Variants in RORA observed in about 807,000 individuals in gnomAD.
RORA encodes the protein RAR related orphan receptor A, also known as nuclear receptor ROR-alpha.
Under a neutral mutation model 69.5 loss-of-function variants are expected in RORA, and 7 were observed. The ratio of observed to expected loss-of-function variants is 0.10; its 90% CI spans 0.06 to 0.19. RORA has a LOEUF of 0.19. Among genes scored for constraint, RORA ranks in the 10% least tolerant of loss-of-function variants. RORA has a pLI of 1.00. For missense variants in RORA, 457 were observed against 663.0 expected, an observed-to-expected ratio of 0.69 and a Z score of 3.41; for synonymous variants, 261 against 240.8, an observed-to-expected ratio of 1.08 and a Z score of -0.78.
chr15:60,949,434 C>T (rs955621836), intron 1 of RORA, among the ~76,000 whole-genome samples: 6 of 152,184 alleles, frequency 3.9e-5, no homozygotes, highest in Admixed American at 3.9e-4. Flanking sequence ...GTTCCCTCCC[C>T]ACTCCATTCA....
chr15:60,801,414 T>C (rs1322491873), intron 1 of RORA, among the ~76,000 whole-genome samples: 2 of 88,618 alleles, frequency 2.3e-5, no homozygotes, highest in Non-Finnish European at 5.9e-5. Flanking sequence ...ACACAGACTT[T>C]AGTGGCTTAG....
intron 1 of RORA, among the ~76,000 whole-genome samples, chr15:60,939,439 C>T (rs1027916790): frequency 3.3e-5 from 5 of 152,112 alleles, no homozygotes; most frequent in Admixed American, 1.3e-4. Flanking sequence ...ACAGCAGGGA[C>T]GCACGTGCTC....
Position 60,570,735 on chromosome 15 carries a change from G to A in RORA, c.197-38884C>T, listed in dbSNP as rs1048740114. Among the ~76,000 whole-genome samples, 28 of 152,146 alleles carry A rather than the reference G, an allele frequency of 1.8e-4. 1 individual carries two copies. Among genetic ancestry groups the A allele is most frequent in the Non-Finnish European group, 7.3e-5 (5 of 68,030 alleles). On this transcript the variant is annotated intron_variant, in intron 2 of 10. Coordinates refer to ENST00000335670, the MANE Select transcript of RORA (RefSeq NM_134261.3). ...CTCATCTTGTACCCCTGACACAGGT[G>A]CCGTCATAGATTCAATTAGAGGGTC...
At chr15:61,051,632 G>C (rs1242789670) in intron 1 of RORA, among the ~76,000 whole-genome samples, 2 of 152,188 alleles carry the variant, frequency 1.3e-5, no homozygotes, top group Admixed American at 1.3e-4. Context: ...TAAGACACCA[G>C]GACAGCTGTG....
chr15:61,070,091 G>A (rs1359096616), intron 1 of RORA, among the ~76,000 whole-genome samples: 1 of 151,982 alleles, frequency 6.6e-6, no homozygotes, highest in Non-Finnish European at 1.5e-5. Context: ...TATGTTATAC[G>A]TTTTCTATTA....
intron 1 of RORA, among the ~76,000 whole-genome samples, chr15:61,112,423 A>G (rs782926): frequency 0.66 from 100,529 of 151,826 alleles, 33,374 homozygotes; most frequent in South Asian, 0.76. Context: ...AGGGAAGCGG[A>G]AAGCAATCTG....
intron 1 of RORA, among the ~76,000 whole-genome samples, chr15:60,992,838 G>T (rs1022092478): frequency 4.6e-5 from 7 of 152,178 alleles, no homozygotes; most frequent in Non-Finnish European, 8.8e-5. Context: ...GTACTTAACT[G>T]ATACTTAAAA....
At chr15:61,024,106 A>C (rs1895678843) in intron 1 of RORA, among the ~76,000 whole-genome samples, 1 of 152,030 alleles carries the variant, frequency 6.6e-6, no homozygotes, top group African/African-American at 2.4e-5. Flanking sequence ...CAACACCAAG[A>C]GAGAGAGGTA....
In RORA at chr15:60,981,880, C is replaced by T. The variant is rs932213645; in HGVS notation, c.166+247173G>A. 3.3e-5 allele frequency among the ~76,000 whole-genome samples: 5 copies of T among 150,204 alleles called. No individual in the cohort carries two copies. The East Asian group carries it at 9.7e-4, about 29-fold the overall frequency. On this transcript the variant is annotated intron_variant, in intron 1 of 10. Coordinates refer to ENST00000335670, the MANE Select transcript of RORA (RefSeq NM_134261.3). ...TGTGCCACTGATGTTTCTTTGCATG[C>T]TTTGTAATTTTCTAATTGAAAATTG...
intron 2 of RORA, among the ~76,000 whole-genome samples, chr15:60,640,431 C>T (rs937680056): frequency 6.6e-6 from 1 of 152,184 alleles, no homozygotes; most frequent in Admixed American, 6.5e-5. Context: ...CAATCCATCT[C>T]CACATAGCAG....
At chr15:60,771,880 C>T (rs184637084) in intron 1 of RORA, among the ~76,000 whole-genome samples, 3 of 152,168 alleles carry the variant, frequency 2.0e-5, no homozygotes, top group East Asian at 1.9e-4. Flanking sequence ...ACATAGGTAG[C>T]ACGGTGCTGC....
At position 61,061,742 on chromosome 15, in the gene RORA, C is replaced by T. The variant is rs369600422; in HGVS notation, c.166+167311G>A. 6.6e-6 allele frequency among the ~76,000 whole-genome samples: 1 copy of T among 152,118 alleles called. No homozygotes were observed. The highest frequency in any genetic ancestry group is 2.4e-5 in the African/African-American group (1 of 41,412). On this transcript the variant is annotated intron_variant, in intron 1 of 10. Transcript: ENST00000335670. This position sits in a 1 kb window ranked among gnomAD's most constrained non-coding sequence, Gnocchi z 4.4. ...CAGGGTGTTAAGCATCACTGCATCA[C>T]CACTTTGCATATAGGAAGCACTCAA... is the stretch of plus-strand genomic sequence containing the variant.
At chr15:60,918,681 A>AT (rs909364085) in intron 1 of RORA, among the ~76,000 whole-genome samples, 1 of 151,648 alleles carries the variant, frequency 6.6e-6, no homozygotes, top group South Asian at 2.1e-4. Context: ...TATCAGAAAT[A>AT]TTTTTTTTCT....
chr15:60,523,775 G>C (rs2066256808), intron 3 of RORA, among the ~76,000 whole-genome samples: 1 of 152,202 alleles, frequency 6.6e-6, no homozygotes, highest in African/African-American at 2.4e-5. Flanking sequence ...GGACTCAAGT[G>C]ATCCTCCCAC....
At chr15:61,024,221 T>A (rs1895683136) in intron 1 of RORA, among the ~76,000 whole-genome samples, 1 of 150,840 alleles carries the variant, frequency 6.6e-6, no homozygotes, top group Non-Finnish European at 1.5e-5. Context: ...TTTAAAAAAA[T>A]TATACAAGTA....
chr15:60,643,667 G>A (rs1220089181), intron 2 of RORA, among the ~76,000 whole-genome samples: 1 of 152,090 alleles, frequency 6.6e-6, no homozygotes, highest in African/African-American at 2.4e-5. Flanking sequence ...ACACCCCCTA[G>A]CCTGACCCCT....
intron 1 of RORA, among the ~76,000 whole-genome samples, chr15:60,877,389 A>G (rs964552465): frequency 1.3e-5 from 2 of 152,214 alleles, no homozygotes; most frequent in African/African-American, 4.8e-5. Flanking sequence ...ATAAGAATAC[A>G]GTAATAATGT....
chr15:60,510,839 A>T (rs2065672400), intron 5 of RORA, among the ~76,000 whole-genome samples: 1 of 152,096 alleles, frequency 6.6e-6, no homozygotes, highest in Non-Finnish European at 1.5e-5. Flanking sequence ...GCAAAAAAAT[A>T]TGTCTGTGGG....
intron 1 of RORA, among the ~76,000 whole-genome samples, chr15:60,944,070 G>GA (rs1320897647): frequency 6.6e-6 from 1 of 152,052 alleles, no homozygotes; most frequent in Non-Finnish European, 1.5e-5. Context: ...ATCATGACAG[G>GA]AAAAATCACA....
Sources: allele counts gnomAD v4.1 joint callset (sites outside exome capture counted in the v4.1 genomes callset), GRCh38; gene constraint gnomAD v4.1.1; non-coding constraint Gnocchi (gnomAD v3.1); transcripts MANE v1.5; gene names NCBI Gene and HGNC (gene_info 2026-07-23, HGNC 2026-07-21).